RFX3: variants seen among roughly 807,000 people sequenced by gnomAD.
The protein encoded by RFX3 is transcription factor RFX3.
RFX3 carries 14 observed loss-of-function variants against 98.6 expected under a neutral mutation model. The ratio of observed to expected loss-of-function variants is 0.14; its 90% CI spans 0.09 to 0.22. The LOEUF is 0.22. RFX3 is among the 10% of genes least tolerant of loss of function. The pLI is 1.00. For missense variants in RFX3, 639 were observed against 926.9 expected (o/e 0.69, Z 4.03); for synonymous variants, 383 against 328.4 (o/e 1.17, Z -1.80).
intron 7 of RFX3, among the ~76,000 whole-genome samples, chr9:3,279,786 G>A (rs1405999084): frequency 6.6e-6 from 1 of 151,786 alleles, no homozygotes; most frequent in Non-Finnish European, 1.5e-5. Flanking sequence ...AATGAAAGGA[G>A]AGATTATATT....
chr9:3,521,493 T>C (rs1471122872), intron 1 of RFX3, among the ~76,000 whole-genome samples: 1 of 152,204 alleles, frequency 6.6e-6, no homozygotes, highest in Non-Finnish European at 1.5e-5. Flanking sequence ...TAATCTCATG[T>C]TGCAAACAGC....
chr9:3,243,735 T>G (rs1269925651), intron 15 of RFX3, among the ~76,000 whole-genome samples: 1 of 152,196 alleles, frequency 6.6e-6, no homozygotes, highest in Non-Finnish European at 1.5e-5. Context: ...ACTATTTAAC[T>G]GACACCTTTT....
At chr9:3,355,487 A>T (rs1300459753) in intron 2 of RFX3, among the ~76,000 whole-genome samples, 1 of 151,908 alleles carries the variant, frequency 6.6e-6, no homozygotes, top group African/African-American at 2.4e-5. Flanking sequence ...TAAGAAAAAT[A>T]TCAAGAAATA....
At chr9:3,432,435 C>A (rs906599588) in intron 1 of RFX3, among the ~76,000 whole-genome samples, 4 of 152,134 alleles carry the variant, frequency 2.6e-5, no homozygotes, top group Admixed American at 6.5e-5. Flanking sequence ...ATTGAAGAGA[C>A]CATGGTTGTT....
At chr9:3,268,280 C>T (rs1823919652) in intron 11 of RFX3, among the ~76,000 whole-genome samples, 2 of 151,702 alleles carry the variant, frequency 1.3e-5, no homozygotes, top group South Asian at 4.2e-4. Flanking sequence ...GAGTGAAGTG[C>T]TAGTAGCCAG....
chr9:3,456,547 G>GA (rs1202455030), intron 1 of RFX3, among the ~76,000 whole-genome samples: 1 of 150,670 alleles, frequency 6.6e-6, no homozygotes, highest in Non-Finnish European at 1.5e-5. Flanking sequence ...AGAACAAAGT[G>GA]AAAAAAACGG....
intron 14 of RFX3, among the ~76,000 whole-genome samples, chr9:3,250,029 C>T (rs549972318): frequency 6.6e-6 from 1 of 151,878 alleles, no homozygotes; most frequent in Non-Finnish European, 1.5e-5. Flanking sequence ...CACGTCTTTC[C>T]TAAAATTCAG....
intron 1 of RFX3, among the ~76,000 whole-genome samples, chr9:3,449,120 A>T (rs1364620679): frequency 6.6e-6 from 1 of 152,178 alleles, no homozygotes; most frequent in East Asian, 1.9e-4. Context: ...ATTGTTGCTA[A>T]TAATACCCTC....
intron 1 of RFX3, among the ~76,000 whole-genome samples, chr9:3,443,191 A>G (rs1346494258): frequency 6.6e-6 from 1 of 152,150 alleles, no homozygotes; most frequent in Non-Finnish European, 1.5e-5. Context: ...AATGGCTAAC[A>G]TTTTATTTTC....
At chr9:3,499,076 T>C (rs888370784) in intron 1 of RFX3, among the ~76,000 whole-genome samples, 1 of 152,096 alleles carries the variant, frequency 6.6e-6, no homozygotes, top group Non-Finnish European at 1.5e-5. Flanking sequence ...ATATTCAAAA[T>C]GTATCCTCAG....
At chr9:3,303,052 G>C (rs1828854670) in intron 4 of RFX3, among the ~76,000 whole-genome samples, 1 of 151,564 alleles carries the variant, frequency 6.6e-6, no homozygotes, top group African/African-American at 2.4e-5. Flanking sequence ...ACTTTTTTTA[G>C]ACAACAAAAT....
rs558107197 is a variant in RFX3, at chr9:3,501,644, T to C, written c.-9+24103A>G. ...CAATGTCAGCTCACTGCAACCTCTA[T>C]CTCCGAGGTTCAAGCGATTCTCGTG... On this transcript the variant is annotated intron_variant, in intron 1 of 16. Coordinates refer to ENST00000617270, the MANE Select transcript of RFX3 (RefSeq NM_001282116.2). 6.7e-5 allele frequency among the ~76,000 whole-genome samples: 10 copies of C among 149,148 alleles called. No homozygotes were observed. The East Asian group carries it at 1.8e-3, about 28-fold the overall frequency.
intron 14 of RFX3, among the ~76,000 whole-genome samples, chr9:3,251,945 T>A (rs1252967974): frequency 6.6e-6 from 1 of 151,030 alleles, no homozygotes; most frequent in Non-Finnish European, 1.5e-5. Context: ...GCCTCCCGGG[T>A]TCAAGCGATT....
In RFX3 at chr9:3,256,166, T is replaced by A. The variant is rs10970995; in HGVS notation, c.1814+825A>T. Among the ~76,000 whole-genome samples the A allele has an allele frequency of 9.7e-4, 147 of 152,198 alleles. 1 individual carries two copies. Among genetic ancestry groups the A allele is most frequent in the African/African-American group, 3.4e-3 (142 of 41,546 alleles). On this transcript the variant is annotated intron_variant, in intron 14 of 16. Transcript: ENST00000617270. ...TTTGTATTTTTAGTAGAGACGGGGT[T>A]TTACCGTGTTAGCGAGGATGGTCTC...
At chr9:3,250,130 A>T (rs1388820548) in intron 14 of RFX3, among the ~76,000 whole-genome samples, 2 of 151,916 alleles carry the variant, frequency 1.3e-5, no homozygotes, top group Non-Finnish European at 2.9e-5. Flanking sequence ...GGTAAAAAAA[A>T]TTTTAAAGCA....
chr9:3,504,848 ATTATATATG>A (rs1178285377), intron 1 of RFX3, among the ~76,000 whole-genome samples: 5 of 83,916 alleles, frequency 6.0e-5, no homozygotes, highest in South Asian at 6.9e-4. Context: ...AAATATATAT[ATTATATATG>A]ATATAATATA....
intron 7 of RFX3, among the ~76,000 whole-genome samples, chr9:3,279,988 GAA>G (rs1420473358): frequency 6.6e-6 from 1 of 151,676 alleles, no homozygotes; most frequent in African/African-American, 2.4e-5. Flanking sequence ...CAGTACTTAG[GAA>G]AAGATTTTAT....
At chr9:3,474,277 T>C (rs920034904) in intron 1 of RFX3, among the ~76,000 whole-genome samples, 5 of 152,228 alleles carry the variant, frequency 3.3e-5, no homozygotes, top group African/African-American at 1.2e-4. Flanking sequence ...TTATACATTT[T>C]GCACATTTCA....
intron 1 of RFX3, among the ~76,000 whole-genome samples, chr9:3,409,055 C>G (rs1842238764): frequency 6.6e-6 from 1 of 152,184 alleles, no homozygotes; most frequent in African/African-American, 2.4e-5. Flanking sequence ...GTTGATGGTT[C>G]AAGCTTTTAA....
Sources: allele counts gnomAD v4.1 joint callset (sites outside exome capture counted in the v4.1 genomes callset), GRCh38; gene constraint gnomAD v4.1.1; transcripts MANE v1.5; gene names NCBI Gene and HGNC (gene_info 2026-07-23, HGNC 2026-07-21).